The following ZBTB38 variants were observed in gnomAD, a reference collection of about 807,000 sequenced individuals.
ZBTB38 encodes zinc finger and BTB domain-containing protein 38.
ZBTB38 carries 20 observed loss-of-function variants against 76.8 expected under a neutral mutation model. The observed-to-expected ratio is 0.26, with a 90% CI of 0.18 to 0.38. The LOEUF is 0.38. ZBTB38 is among the 10% of genes least tolerant of loss of function. The probability of loss-of-function intolerance (pLI) is 1.00; values close to 1 mark genes in which losing one functional copy is unlikely to be tolerated. For missense variants in ZBTB38, 1,082 were observed against 1,482.3 expected (o/e 0.73, Z 4.43); for synonymous variants, 504 against 544.2 (o/e 0.93, Z 1.03).
rs1196182326 is a variant in ZBTB38 at position 141,406,061 on chromosome 3, A to T, written c.-1+2030A>T. Among the ~76,000 whole-genome samples, 203 of 152,360 alleles carry T rather than the reference A, an allele frequency of 1.3e-3. 1 individual carries two copies. The highest frequency in any genetic ancestry group is 4.5e-3 in the African/African-American group (188 of 41,578). On this transcript the variant is annotated intron_variant, in intron 5 of 5. Coordinates refer to ENST00000321464, the MANE Select transcript of ZBTB38 (RefSeq NM_001376113.1). ...AGAAACTTGGAGCATATTCAGGGAA[A>T]AGCATCAAGTCCAACTGAGTTAGAA...
chr3:141,348,717 G>A (rs1943434408), intron 1 of ZBTB38, among the ~76,000 whole-genome samples: 1 of 152,188 alleles, frequency 6.6e-6, no homozygotes, highest in African/African-American at 2.4e-5. Flanking sequence ...CACTGTATCT[G>A]TCAAGAGCCA....
chr3:141,435,297 T>G (rs1294882330), intron 5 of ZBTB38, among the ~76,000 whole-genome samples: 1 of 152,192 alleles, frequency 6.6e-6, no homozygotes, highest in African/African-American at 2.4e-5. Context: ...CTTACCTCCT[T>G]TCTCTCTCAA....
chr3:141,435,387 A>G (rs1209008496), intron 5 of ZBTB38, among the ~76,000 whole-genome samples: 3 of 152,318 alleles, frequency 2.0e-5, no homozygotes, highest in Admixed American at 1.3e-4. Context: ...AGTATAATAT[A>G]TGTCAGCATA....
rs1411680095 is a variant in ZBTB38, at chr3:141,413,259, C to T, written c.-1+9228C>T. Among the ~76,000 whole-genome samples, 1 of 152,170 alleles carries T rather than the reference C, an allele frequency of 6.6e-6. No individual in the cohort carries two copies. Among genetic ancestry groups the T allele is most frequent in the Non-Finnish European group, 1.5e-5 (1 of 68,016 alleles). On this transcript the variant is annotated intron_variant, in intron 5 of 5. Coordinates refer to ENST00000321464, the MANE Select transcript of ZBTB38 (RefSeq NM_001376113.1). This position sits in a 1 kb window ranked among gnomAD's most constrained non-coding sequence, Gnocchi z 4.1. ...AGGAGGTGGGGAAGACCCAGCCGGC[C>T]GAGAGCCTCAGCCACCTTCCTGCAG...
intron 1 of ZBTB38, among the ~76,000 whole-genome samples, chr3:141,326,489 G>T (rs1447365594): frequency 2.0e-5 from 3 of 152,158 alleles, no homozygotes; most frequent in Non-Finnish European, 2.9e-5. Context: ...TTATCAGAGT[G>T]CAATAATGTT....
In ZBTB38 at chr3:141,430,595, T is replaced by C. The variant is rs111721901; in HGVS notation, c.1-11794T>C. ...TTCTGATTTATCCAGGAAGTACCAATGTAAGCTGTGATTCACTGTCTTGCA... is the reference window on the plus strand; with the variant it reads ...TTCTGATTTATCCAGGAAGTACCAACGTAAGCTGTGATTCACTGTCTTGCA... On this transcript the variant is annotated intron_variant, in intron 5 of 5. Coordinates refer to ENST00000321464, the MANE Select transcript of ZBTB38 (RefSeq NM_001376113.1). Among the ~76,000 whole-genome samples the C allele has an allele frequency of 8.2e-4, 125 of 152,278 alleles. 3 individuals are homozygous for C. The highest frequency in any genetic ancestry group is 2.9e-3 in the African/African-American group (119 of 41,556).
At chr3:141,371,041 C>CTTTTTTTTTT (rs1944488920) in intron 2 of ZBTB38, among the ~76,000 whole-genome samples, 6 of 75,464 alleles carry the variant, frequency 8.0e-5, no homozygotes, top group African/African-American at 2.7e-4. Context: ...TCTTTTCTTT[C>CTTTTTTTTTT]TTTCTTTTTT....
At chr3:141,439,907 G>A (rs972422490) in intron 5 of ZBTB38, among the ~76,000 whole-genome samples, 8 of 152,186 alleles carry the variant, frequency 5.3e-5, no homozygotes, top group Non-Finnish European at 1.0e-4. Context: ...GCCCAGAGCC[G>A]AGAGACTTGA....
At chr3:141,391,657 TAGAGA>T (rs1158415822) in intron 4 of ZBTB38, among the ~76,000 whole-genome samples, 1 of 152,100 alleles carries the variant, frequency 6.6e-6, no homozygotes, top group African/African-American at 2.4e-5. Context: ...CCTCTCAGAG[TAGAGA>T]AATTTCTGAG....
intron 5 of ZBTB38, among the ~76,000 whole-genome samples, chr3:141,437,769 A>C (rs969985297): frequency 2.0e-5 from 3 of 152,212 alleles, no homozygotes; most frequent in African/African-American, 7.2e-5. Flanking sequence ...GTAAAGCTGT[A>C]CTATCTGAAT....
intron 1 of ZBTB38, among the ~76,000 whole-genome samples, chr3:141,342,216 T>G (rs1177622175): frequency 6.6e-6 from 1 of 151,892 alleles, no homozygotes; most frequent in Non-Finnish European, 1.5e-5. Flanking sequence ...TCCCGGCTAC[T>G]CAGGAGGCTG....
intron 2 of ZBTB38, among the ~76,000 whole-genome samples, chr3:141,379,964 A>G (rs982574319): frequency 5.3e-5 from 8 of 152,268 alleles, no homozygotes; most frequent in African/African-American, 1.9e-4. Context: ...AAAACATATT[A>G]TAAACCCTCC....
intron 1 of ZBTB38, among the ~76,000 whole-genome samples, chr3:141,327,082 C>T (rs548485209): frequency 2.7e-4 from 41 of 152,262 alleles, no homozygotes; most frequent in African/African-American, 9.6e-4. Context: ...CCTGTAAAGT[C>T]AGGCTCTATA....
chr3:141,384,596 C>CGTATAT (rs1171814819), intron 3 of ZBTB38, among the ~76,000 whole-genome samples: 1 of 152,188 alleles, frequency 6.6e-6, no homozygotes, highest in Non-Finnish European at 1.5e-5. Flanking sequence ...CACAGATGAC[C>CGTATAT]GTATATTGAA....
intron 5 of ZBTB38, among the ~76,000 whole-genome samples, chr3:141,406,540 CA>C (rs1344763479): frequency 6.6e-6 from 1 of 152,164 alleles, no homozygotes; most frequent in Non-Finnish European, 1.5e-5. Context: ...AGTGTTGAAG[CA>C]TGCTGTCTCC....
chr3:141,392,345 T>A (rs969922835), intron 4 of ZBTB38, among the ~76,000 whole-genome samples: 2 of 152,200 alleles, frequency 1.3e-5, no homozygotes, highest in African/African-American at 4.8e-5. Flanking sequence ...GAGCATCTGC[T>A]ATGTGCCAAA....
intron 5 of ZBTB38, among the ~76,000 whole-genome samples, chr3:141,430,450 C>T (rs976252384): frequency 1.3e-5 from 2 of 152,222 alleles, no homozygotes; most frequent in Admixed American, 1.3e-4. Context: ...ACCAATTAGG[C>T]AGATGCAGTC....
chr3:141,353,447 C>T (rs1346408), intron 1 of ZBTB38, among the ~76,000 whole-genome samples: 82,033 of 151,978 alleles, frequency 0.54, 25,784 homozygotes, highest in African/African-American at 0.88. Flanking sequence ...TTCACTCTTG[C>T]TACTAACCAA....
At chr3:141,406,273 A>T (rs1216324168) in intron 5 of ZBTB38, among the ~76,000 whole-genome samples, 1 of 151,954 alleles carries the variant, frequency 6.6e-6, no homozygotes, top group Non-Finnish European at 1.5e-5. Flanking sequence ...TCGGGAGGAG[A>T]GGCAGGGCAG....
Sources: gnomAD v4.1 joint callset for allele counts (sites outside exome capture counted in the v4.1 genomes callset) on GRCh38, gnomAD v4.1.1 for gene constraint, Gnocchi (gnomAD v3.1) non-coding constraint, MANE v1.5 for transcripts, NCBI Gene and HGNC (gene_info 2026-07-23, HGNC 2026-07-21) for gene names.